Variants in MYH2 observed in about 807,000 individuals in gnomAD.
The protein encoded by MYH2 is myosin-2.
Under a neutral mutation model 228.1 loss-of-function variants are expected in MYH2, and 139 were observed. That is an observed-to-expected ratio of 0.61 (90% CI 0.53 to 0.70). The LOEUF is 0.70. Among genes scored for constraint, MYH2 ranks in the 30% least tolerant of loss-of-function variants. MYH2 has a pLI of 0.00. For missense variants in MYH2, 1,809 were observed against 2,357.5 expected (o/e 0.77, Z 4.82); for synonymous variants, 796 against 871.1 (o/e 0.91, Z 1.52).
At chr17:10,539,618 T>C in intron 12 of MYH2, 56 bp from the exon 13 acceptor site, 1 of 1,501,858 alleles carries the variant, frequency 6.7e-7, no homozygotes, top group Non-Finnish European at 9.3e-7. Flanking sequence ...ACCCACTTCC[T>C]TAAAAATATT....
Position 10,524,929 on chromosome 17 carries a change from A to G in MYH2, c.4799T>C (p.Val1600Ala). The G allele has an allele frequency of 6.2e-7, 1 of 1,614,038 alleles. No homozygotes were observed. The highest frequency in any genetic ancestry group is 8.5e-7 in the Non-Finnish European group (1 of 1,180,018). The change falls in exon 34 of 40, where the codon GTG (valine) becomes GCG (alanine). Residue 1600 changes from valine (V) to alanine (A), a missense_variant. Physicochemically the swap from Val to Ala is moderately conservative, Grantham distance 64. Around this residue, in one of 9 missense-constraint regions of MYH2, gnomAD observed 75 missense variants for 131.2 expected, o/e 0.57. Transcript: ENST00000245503. This position sits in a 1 kb window ranked among gnomAD's most constrained non-coding sequence, Gnocchi z 4.7. ...ATCCAGCGTGCTCTGCATGGACTCC[A>G]CGATTCTAATGTGGTTTCTCTTCAG... ...DQLKRNHIRI[V>A]ESMQSTLDAE...
At chr17:10,539,792 A>G (rs750244753) in intron 12 of MYH2, 136 bp downstream of exon 12, 1 of 1,343,720 alleles carries the variant, frequency 7.4e-7, no homozygotes, top group Non-Finnish European at 1.1e-6. Context: ...CCCATTGCAC[A>G]TTATTTAGGT....
In MYH2 at chr17:10,537,456, C is replaced by T. The variant is rs1251228646; in HGVS notation, c.1674G>A (p.Gln558=). The T allele has an allele frequency of 6.2e-7, 1 of 1,614,108 alleles. No individual in the cohort carries two copies. Among genetic ancestry groups the T allele is most frequent in the East Asian group, 2.2e-5 (1 of 44,892 alleles). ...DTSFKNKLYD[Q]HLGKSANFQK... ...GGAAGTTGGCAGACTTGCCCAGGTG[C>T]TGGTCATACAGCTTGTTCTTGAAGG... The change falls in exon 16 of 40, where the codon CAG becomes CAA. Residue 558 remains glutamine (Q), a synonymous_variant. Coordinates refer to ENST00000245503, the MANE Select transcript of MYH2 (RefSeq NM_017534.6). This position sits in a 1 kb window ranked among gnomAD's most constrained non-coding sequence, Gnocchi z 4.0.
intron 1 of MYH2, 27 bp from the exon 2 acceptor site, chr17:10,549,444 G>C (rs1462622812): frequency 2.0e-5 from 3 of 152,734 alleles, no homozygotes; most frequent in Non-Finnish European, 2.9e-5. Flanking sequence ...AAAAGCACTT[G>C]ATTAGTTGAC....
At chr17:10,545,311 G>C in intron 5 of MYH2, 35 bp downstream of exon 5, 1 of 1,612,238 alleles carries the variant, frequency 6.2e-7, no homozygotes, top group Non-Finnish European at 8.5e-7. Context: ...CTGCTCTAAA[G>C]GTTTACGCAC....
chr17:10,541,889 CTGAT>C (rs2073560390), intron 10 of MYH2, among the ~76,000 whole-genome samples: 1 of 152,154 alleles, frequency 6.6e-6, no homozygotes, highest in African/African-American at 2.4e-5. Flanking sequence ...TTGTTGATGA[CTGAT>C]GGGCACTGGA....
chr17:10,537,370 C>T lies in MYH2; in HGVS notation c.1760G>A (p.Gly587Asp). 9 of 1,614,180 alleles carry T rather than the reference C, an allele frequency of 5.6e-6. No individual in the cohort carries two copies. The highest frequency in any genetic ancestry group is 6.8e-6 in the Non-Finnish European group (8 of 1,180,024). Reference protein sequence around the residue: ...EAHFALIHYAGVVDYNITGWL... With the variant: ...EAHFALIHYADVVDYNITGWL... The stretch of plus-strand genomic sequence containing the variant: ...GCCAGTAATGTTGTAGTCCACAACA[C>T]CAGCATAGTGAATCAGAGCGAAGTG... Residue 587 changes from glycine (G) to aspartate (D), a missense_variant, in exon 16 of 40, where the codon GGT becomes GAT. Coordinates refer to ENST00000245503, the MANE Select transcript of MYH2 (RefSeq NM_017534.6). This position sits in a 1 kb window ranked among gnomAD's most constrained non-coding sequence, Gnocchi z 4.0.
Position 10,525,429 on chromosome 17 carries a change from A to T in MYH2, c.4537+22T>A. 6.2e-7 allele frequency: 1 copy of T among 1,614,152 alleles called. No homozygotes were observed. On this transcript the variant is annotated intron_variant, in intron 32 of 39. Transcript: ENST00000245503. The surrounding 1 kb of genome is among the most constrained non-coding windows in gnomAD (Gnocchi z 4.2). Reference sequence around the variant, plus strand: ...GAGATTCTTCCAAGTTATGAATATTATTGAATATGATAGGGACTTACGCTG... The same window carrying T: ...GAGATTCTTCCAAGTTATGAATATTTTTGAATATGATAGGGACTTACGCTG...
chr17:10,539,025 G>T (rs1018698561), intron 14 of MYH2, among the ~76,000 whole-genome samples, 180 bp downstream of exon 14: 8 of 152,136 alleles, frequency 5.3e-5, no homozygotes, highest in Non-Finnish European at 1.0e-4. Flanking sequence ...CTTATTAAGT[G>T]CATTGTTGTT....
chr17:10,546,877 CG>C (rs1555572211), intron 4 of MYH2, among the ~76,000 whole-genome samples: 1 of 150,792 alleles, frequency 6.6e-6, no homozygotes, highest in Non-Finnish European at 1.5e-5. Context: ...CCCAGGAGTT[CG>C]AGACCAGTCT....
chr17:10,524,709 G>T lies in MYH2; in HGVS notation c.4972-40C>A. The T allele has an allele frequency of 6.2e-7, 1 of 1,614,196 alleles. No homozygotes were observed. Among genetic ancestry groups the T allele is most frequent in the Non-Finnish European group, 8.5e-7 (1 of 1,180,040 alleles). ...ATCATTGAGACATCATGTTCTCAGGGTTGCAGGCACCCCAATAGTCCTGGG... is the reference window on the plus strand; with the variant it reads ...ATCATTGAGACATCATGTTCTCAGGTTTGCAGGCACCCCAATAGTCCTGGG... On this transcript the variant is annotated intron_variant, in intron 34 of 39. Coordinates refer to ENST00000245503, the MANE Select transcript of MYH2 (RefSeq NM_017534.6). This position sits in a 1 kb window ranked among gnomAD's most constrained non-coding sequence, Gnocchi z 4.7.
chr17:10,541,447 A>T (rs889263336), intron 10 of MYH2, among the ~76,000 whole-genome samples: 5 of 152,294 alleles, frequency 3.3e-5, no homozygotes, highest in African/African-American at 1.2e-4. Flanking sequence ...CCCGCCTAGT[A>T]AATTTTAATC....
chr17:10,530,654 A>G (rs2073413906), intron 22 of MYH2, among the ~76,000 whole-genome samples: 1 of 152,306 alleles, frequency 6.6e-6, no homozygotes, highest in South Asian at 2.1e-4. Context: ...GGGACAGGGC[A>G]GGCGGGAAAT....
rs1062507 is a variant in MYH2, at chr17:10,523,809, G to T, written c.5251C>A (p.Leu1751Ile). 1 of 1,614,168 alleles carries T rather than the reference G, an allele frequency of 6.2e-7. No individual in the cohort carries two copies. The highest frequency in any genetic ancestry group is 8.5e-7 in the Non-Finnish European group (1 of 1,180,032). Residue 1751 changes from leucine (L) to isoleucine (I), a missense_variant, in exon 36 of 40, where the codon CTC becomes ATC. This residue lies in a region of MYH2 where 278 missense variants were observed against 308.5 expected (regional missense o/e 0.90). Transcript: ENST00000245503. ...TCTTCTGCATTGCGGGCTTCCTGGA[G>T]AATGTCCTCCATCTCTCCTTGCATT... is the stretch of plus-strand genomic sequence containing the variant. ...SQMQGEMEDI[L>I]QEARNAEEKA...
intron 30 of MYH2, 139 bp from the exon 31 acceptor site, chr17:10,526,015 A>T: frequency 9.9e-7 from 1 of 1,013,146 alleles, no homozygotes; most frequent in Non-Finnish European, 1.4e-6. Flanking sequence ...AATATTGATG[A>T]GCCCCTTTTA....
At chr17:10,540,535 C>G in intron 11 of MYH2, 59 bp downstream of exon 11, 1 of 1,373,420 alleles carries the variant, frequency 7.3e-7, no homozygotes, top group Non-Finnish European at 1.0e-6. Context: ...GAATATTTAT[C>G]TGGATCACCA....
intron 4 of MYH2, 146 bp from the exon 5 acceptor site, chr17:10,545,648 C>T (rs1267211801): frequency 8.1e-6 from 9 of 1,116,234 alleles, no homozygotes; most frequent in African/African-American, 1.5e-5. Context: ...CACTGCAGCC[C>T]CAACCTCCCG....
Position 10,524,684 on chromosome 17 carries a change from A to G in MYH2, c.4972-15T>C, listed in dbSNP as rs566344021. ...ATCTGGGTATCCTGTGAAACAAACC[A>G]TCATTGAGACATCATGTTCTCAGGG... On this transcript the variant is annotated splice_polypyrimidine_tract_variant and intron_variant, in intron 34 of 39. Transcript: ENST00000245503. This position sits in a 1 kb window ranked among gnomAD's most constrained non-coding sequence, Gnocchi z 4.7. 163 of 1,614,244 alleles carry G rather than the reference A, an allele frequency of 1.0e-4. 1 individual carries two copies. In the South Asian group the frequency reaches 1.6e-3, roughly 16 times the overall value.
At chr17:10,534,018 A>T (rs893918191) in intron 19 of MYH2, among the ~76,000 whole-genome samples, 2 of 152,226 alleles carry the variant, frequency 1.3e-5, no homozygotes, top group Admixed American at 1.3e-4. Context: ...CACTTTAGGT[A>T]TTCAGAACTA....
Sources: allele counts gnomAD v4.1 joint callset (sites outside exome capture counted in the v4.1 genomes callset), GRCh38; gene constraint gnomAD v4.1.1; regional missense constraint gnomAD v4.1.1; non-coding constraint Gnocchi (gnomAD v3.1); transcripts MANE v1.5; gene names NCBI Gene and HGNC (gene_info 2026-07-23, HGNC 2026-07-21).